The following KLHL32 variants were observed in gnomAD, a reference collection of about 807,000 sequenced individuals.
The protein encoded by KLHL32 is kelch like family member 32, also known as kelch-like protein 32.
In KLHL32, 35 loss-of-function variants were observed where a neutral mutation model predicts 64.8. The observed-to-expected ratio is 0.54, with a 90% CI of 0.41 to 0.72. KLHL32 has a LOEUF of 0.72. Among genes scored for constraint, KLHL32 ranks in the 30% least tolerant of loss-of-function variants. The pLI, the probability that KLHL32 is intolerant of heterozygous loss-of-function variation, is 0.00. For missense variants in KLHL32, 589 were observed against 768.5 expected, an observed-to-expected ratio of 0.77 and a Z score of 2.76; for synonymous variants, 259 against 281.0, an observed-to-expected ratio of 0.92 and a Z score of 0.78.
At position 97,130,695 on chromosome 6, in the gene KLHL32, G is replaced by A. The variant is rs116772439; in HGVS notation, c.1414-62G>A. 1,144 of 1,353,094 alleles carry A rather than the reference G, an allele frequency of 8.5e-4. 6 individuals are homozygous for A. The African/African-American group carries it at 0.014, about 17-fold the overall frequency. The allele number at this position is 1,353,094 out of a possible 1,614,324, so 83.8% of individuals were successfully genotyped here. A position where few individuals can be genotyped will look rare whatever the true frequency, so the allele number is the denominator to read the frequency against. On this transcript the variant is annotated intron_variant, in intron 8 of 10. Transcript: ENST00000369261. ...GGTTCTCACTACTTATGAGGCACTC[G>A]TTGCTGTTTTCTGACATGGAGGTCT...
intron 3 of KLHL32, among the ~76,000 whole-genome samples, chr6:97,021,889 A>G (rs1255459549): frequency 6.6e-6 from 1 of 150,902 alleles, no homozygotes; most frequent in Admixed American, 6.6e-5. Flanking sequence ...GCAACTGTCC[A>G]GTTAATGCAG....
Position 97,085,306 on chromosome 6 carries a change from C to T in KLHL32, c.592C>T (p.Arg198Cys), listed in dbSNP as rs771880644. The T allele has an allele frequency of 2.7e-5, 44 of 1,612,844 alleles. No individual in the cohort carries two copies. The highest frequency in any genetic ancestry group is 4.5e-5 in the East Asian group (2 of 44,888). Residue 198 changes from arginine to cysteine, a missense_variant, in exon 6 of 11, where the codon CGC becomes TGC. Arg to Cys is a radical substitution (Grantham distance 180, BLOSUM62 -3). Coordinates refer to ENST00000369261, the MANE Select transcript of KLHL32 (RefSeq NM_052904.4). ...CLLQEVLKSD[R>C]LTSLSEEQIW... Reference sequence around the variant, plus strand: ...GCTTCAGGAGGTGCTGAAGAGCGACCGCCTGACCTCCCTGAGTGAAGAGCA... The same window carrying T: ...GCTTCAGGAGGTGCTGAAGAGCGACTGCCTGACCTCCCTGAGTGAAGAGCA...
rs547958084 is a variant in KLHL32, at chr6:97,024,516, A to G, written c.205-16976A>G. On this transcript the variant is annotated intron_variant, in intron 3 of 10. Coordinates refer to ENST00000369261, the MANE Select transcript of KLHL32 (RefSeq NM_052904.4). The stretch of plus-strand genomic sequence containing the variant: ...AGGTAAGTTACCAGGTAACAGTGAT[A>G]TTGGTCAAATGTTACCTCTTTTTTA... Among the ~76,000 whole-genome samples the G allele has an allele frequency of 2.0e-4, 30 of 152,072 alleles. No individual in the cohort carries two copies. The South Asian group carries it at 6.2e-3, about 32-fold the overall frequency.
At chr6:97,118,058 G>T (rs1172973666) in intron 7 of KLHL32, among the ~76,000 whole-genome samples, 2 of 152,128 alleles carry the variant, frequency 1.3e-5, no homozygotes, top group African/African-American at 4.8e-5. Context: ...CCCTCTAGGA[G>T]CTGGCAATCA....
At chr6:96,993,903 G>A (rs1388802852) in intron 3 of KLHL32, among the ~76,000 whole-genome samples, 1 of 152,098 alleles carries the variant, frequency 6.6e-6, no homozygotes, top group South Asian at 2.1e-4. Context: ...TTTATAATGA[G>A]TAGCAAACAT....
At chr6:97,061,893 A>G (rs1788972546) in intron 4 of KLHL32, among the ~76,000 whole-genome samples, 1 of 152,196 alleles carries the variant, frequency 6.6e-6, no homozygotes, top group Admixed American at 6.5e-5. Flanking sequence ...AAGAGCAACA[A>G]AGCTGAATCA....
intron 6 of KLHL32, among the ~76,000 whole-genome samples, chr6:97,096,841 C>T (rs958657563): frequency 7.2e-5 from 11 of 152,188 alleles, no homozygotes; most frequent in South Asian, 2.1e-4. Flanking sequence ...AGCAGTGAGA[C>T]GGGGGGAAAA....
At chr6:97,053,083 TACACACAC>T (rs146503529) in intron 4 of KLHL32, among the ~76,000 whole-genome samples, 3 of 149,490 alleles carry the variant, frequency 2.0e-5, no homozygotes, top group East Asian at 2.0e-4. Flanking sequence ...TGAGGATGGA[TACACACAC>T]ACACACACAC....
intron 5 of KLHL32, among the ~76,000 whole-genome samples, chr6:97,080,323 T>C (rs1475979675): frequency 2.0e-5 from 3 of 152,184 alleles, no homozygotes; most frequent in Admixed American, 6.5e-5. Flanking sequence ...GGTTCAGAAT[T>C]GGATAGGCAT....
At chr6:96,966,586 T>C (rs1774482695) in intron 1 of KLHL32, among the ~76,000 whole-genome samples, 1 of 152,242 alleles carries the variant, frequency 6.6e-6, no homozygotes, top group Admixed American at 6.5e-5. Context: ...TTGATTTTAA[T>C]TTAATTCCAC....
chr6:97,014,830 G>C (rs557788811), intron 3 of KLHL32, among the ~76,000 whole-genome samples: 5 of 152,334 alleles, frequency 3.3e-5, no homozygotes, highest in African/African-American at 1.2e-4. Flanking sequence ...CTACTCTGCT[G>C]AATAGCTTAG....
At position 96,989,882 on chromosome 6, in the gene KLHL32, T is replaced by TA. The variant is rs796769515; in HGVS notation, c.204+13713dup. Among the ~76,000 whole-genome samples, 138 of 152,182 alleles carry TA rather than the reference T, an allele frequency of 9.1e-4. 1 individual carries two copies. The Middle Eastern group carries it at 0.027, about 30-fold the overall frequency. ...TCCTCAGCTTGGTCTATTCTGCTGT[T>TA]AAAAAAAAGTGCGATTATTATTATG... On this transcript the variant is annotated intron_variant, in intron 3 of 10. Coordinates refer to ENST00000369261, the MANE Select transcript of KLHL32 (RefSeq NM_052904.4).
intron 6 of KLHL32, among the ~76,000 whole-genome samples, chr6:97,099,889 A>AG (rs1795477746): frequency 6.6e-6 from 1 of 151,030 alleles, no homozygotes. Context: ...AAAAAAAAAA[A>AG]TCTGTGATCA....
At chr6:96,952,870 A>G (rs1013898258) in intron 1 of KLHL32, among the ~76,000 whole-genome samples, 2 of 152,166 alleles carry the variant, frequency 1.3e-5, no homozygotes, top group Admixed American at 6.5e-5. Flanking sequence ...ACCAGGACCC[A>G]TGACTTATGA....
chr6:96,989,558 A>G (rs996510028), intron 3 of KLHL32, among the ~76,000 whole-genome samples: 3 of 152,032 alleles, frequency 2.0e-5, no homozygotes, highest in Admixed American at 6.6e-5. Context: ...AGCCTTGGAG[A>G]ATCTGACAAC....
At chr6:97,029,854 T>G (rs953145537) in intron 3 of KLHL32, among the ~76,000 whole-genome samples, 15 of 152,220 alleles carry the variant, frequency 9.9e-5, no homozygotes, top group African/African-American at 3.1e-4. Flanking sequence ...CTTTGTTGAT[T>G]CAGAAGTTAG....
intron 4 of KLHL32, among the ~76,000 whole-genome samples, chr6:97,045,967 T>G (rs960148330): frequency 6.6e-6 from 1 of 152,196 alleles, no homozygotes; most frequent in African/African-American, 2.4e-5. Context: ...ATATCTGGTG[T>G]AAGTGCCTTT....
intron 4 of KLHL32, among the ~76,000 whole-genome samples, chr6:97,042,971 G>A (rs1295813375): frequency 1.3e-5 from 2 of 152,138 alleles, no homozygotes; most frequent in Admixed American, 1.3e-4. Context: ...TCCTGAAAAA[G>A]CTATTTATTA....
intron 3 of KLHL32, among the ~76,000 whole-genome samples, chr6:97,014,862 A>G (rs1582711424): frequency 6.6e-6 from 1 of 152,290 alleles, no homozygotes; most frequent in South Asian, 2.1e-4. Flanking sequence ...AGGTTGTGAT[A>G]TGGTTAGGCT....
Sources: gnomAD v4.1 joint callset for allele counts (sites outside exome capture counted in the v4.1 genomes callset) on GRCh38, gnomAD v4.1.1 for gene constraint, MANE v1.5 for transcripts, NCBI Gene and HGNC (gene_info 2026-07-23, HGNC 2026-07-21) for gene names.